Variants in BLTP3B observed in about 807,000 individuals in gnomAD.
The protein encoded by BLTP3B is bridge-like lipid transfer protein family member 3B, also known as UHRF1 (ICBP90) binding protein 1-like.
the BLTP3B span, among the ~76,000 whole-genome samples, chr12:100,047,006 A>T: frequency 6.6e-6 from 1 of 152,206 alleles, no homozygotes; most frequent in East Asian, 1.9e-4. Context: ...AACAGGTACT[A>T]AACCAACTAT....
At chr12:100,100,763 A>C in the BLTP3B span, among the ~76,000 whole-genome samples, 3 of 151,826 alleles carry the variant, frequency 2.0e-5, no homozygotes, top group East Asian at 5.8e-4. Flanking sequence ...CCACTCAATG[A>C]ATGTATTCAT....
At chr12:100,070,188 A>G in the BLTP3B span, 1 of 1,560,264 alleles carries the variant, frequency 6.4e-7, no homozygotes, top group Non-Finnish European at 8.7e-7. Flanking sequence ...AACAAATGAG[A>G]AACACACACA....
the BLTP3B span, among the ~76,000 whole-genome samples, chr12:100,100,253 T>C: frequency 1.3e-5 from 2 of 151,890 alleles, no homozygotes; most frequent in African/African-American, 4.8e-5. Context: ...TGCAGTGAGC[T>C]GAGATGGCAC....
At chr12:100,057,745 C>G in the BLTP3B span, 2 of 1,594,128 alleles carry the variant, frequency 1.3e-6, no homozygotes, top group South Asian at 2.3e-5. Flanking sequence ...TTAGGCTTTC[C>G]ACTGTTAACA....
the BLTP3B span, among the ~76,000 whole-genome samples, chr12:100,055,845 T>C: frequency 2.0e-5 from 3 of 152,144 alleles, no homozygotes; most frequent in Non-Finnish European, 4.4e-5. Flanking sequence ...ATCAGGTACA[T>C]AGTAGACAAT....
At chr12:100,059,941 C>T in the BLTP3B span, 1 of 1,612,824 alleles carries the variant, frequency 6.2e-7, no homozygotes, top group Non-Finnish European at 8.5e-7. Context: ...CTGATTAAGA[C>T]TCTGTTTTAA....
chr12:100,128,039 CA>C, the BLTP3B span, among the ~76,000 whole-genome samples: 1 of 151,750 alleles, frequency 6.6e-6, no homozygotes, highest in African/African-American at 2.4e-5. Flanking sequence ...CTTCAAAAAA[CA>C]AAAAAAGAAT....
At chr12:100,056,174 C>G in the BLTP3B span, among the ~76,000 whole-genome samples, 5 of 152,068 alleles carry the variant, frequency 3.3e-5, no homozygotes, top group Non-Finnish European at 7.4e-5. Context: ...GGATGATCAG[C>G]CCATGAGAGC....
At chr12:100,044,667 T>C in the BLTP3B span, among the ~76,000 whole-genome samples, 7 of 151,964 alleles carry the variant, frequency 4.6e-5, no homozygotes, top group African/African-American at 7.2e-5. Context: ...AGAACTCACA[T>C]CAGATTATAA....
chr12:100,134,449 TA>T, the BLTP3B span, among the ~76,000 whole-genome samples: 1 of 151,444 alleles, frequency 6.6e-6, no homozygotes. Context: ...CTACTAAAAA[TA>T]AAAAATGTAA....
chr12:100,052,797 T>C, the BLTP3B span, among the ~76,000 whole-genome samples: 1 of 147,712 alleles, frequency 6.8e-6, no homozygotes, highest in East Asian at 2.0e-4. Flanking sequence ...TCTGTTTTTT[T>C]TTTTTTTTTT....
At chr12:100,132,546 T>C in the BLTP3B span, among the ~76,000 whole-genome samples, 12 of 152,332 alleles carry the variant, frequency 7.9e-5, no homozygotes, top group Non-Finnish European at 1.6e-4. Context: ...CCTTCTCCAC[T>C]ATGTTGTCAT....
chr12:100,124,106 ATT>A, the BLTP3B span, among the ~76,000 whole-genome samples: 1 of 144,572 alleles, frequency 6.9e-6, no homozygotes, highest in Non-Finnish European at 1.5e-5. Flanking sequence ...CTCTACGAGA[ATT>A]TTTTTTTTTT....
chr12:100,058,274 A>T, the BLTP3B span: 13 of 1,613,776 alleles, frequency 8.1e-6, no homozygotes, highest in Non-Finnish European at 1.1e-5. Context: ...TATAAAATGA[A>T]TCCTTTTTGT....
the BLTP3B span, among the ~76,000 whole-genome samples, chr12:100,114,790 A>T: frequency 3.3e-5 from 5 of 152,170 alleles, no homozygotes; most frequent in Admixed American, 3.3e-4. Flanking sequence ...CTCATCATGC[A>T]ACCATAAAGA....
the BLTP3B span, among the ~76,000 whole-genome samples, chr12:100,075,188 T>G: frequency 2.6e-5 from 4 of 151,972 alleles, no homozygotes; most frequent in Non-Finnish European, 5.9e-5. Context: ...AGTTTTGTAT[T>G]TTTAGTAGAG....
At chr12:100,053,651 T>C in the BLTP3B span, among the ~76,000 whole-genome samples, 1 of 152,106 alleles carries the variant, frequency 6.6e-6, no homozygotes, top group Non-Finnish European at 1.5e-5. Context: ...TAAAAATACA[T>C]AGATAAAAGC....
the BLTP3B span, among the ~76,000 whole-genome samples, chr12:100,060,209 T>G: frequency 6.6e-6 from 1 of 152,300 alleles, no homozygotes; most frequent in South Asian, 2.1e-4. Flanking sequence ...AACAAACACA[T>G]TTAGATAGAC....
At chr12:100,110,793 T>C in the BLTP3B span, among the ~76,000 whole-genome samples, 138 of 152,074 alleles carry the variant, frequency 9.1e-4, no homozygotes, top group African/African-American at 3.0e-3. Context: ...GGAGATGATA[T>C]AAAGTGGAAT....
Sources: gnomAD v4.1 joint callset for allele counts (sites outside exome capture counted in the v4.1 genomes callset) on GRCh38, gnomAD v4.1.1 for gene constraint, MANE v1.5 for transcripts, NCBI Gene and HGNC (gene_info 2026-07-23, HGNC 2026-07-21) for gene names.